Variants in C7 observed in about 807,000 individuals in gnomAD.
C7 encodes the protein complement C7.
Under a neutral mutation model 104.8 loss-of-function variants are expected in C7, and 83 were observed. The ratio of observed to expected loss-of-function variants is 0.79; its 90% CI spans 0.66 to 0.95. The LOEUF (loss-of-function observed/expected upper bound fraction) is 0.95, where lower values mean the gene tolerates loss of function less well. C7 is among the 40% of genes least tolerant of loss of function. C7 has a pLI of 0.00. For synonymous variants in C7, 415 were observed against 360.6 expected (o/e 1.15, Z -1.71); for missense variants, 1,070 against 1,011.2 (o/e 1.06, Z -0.79).
At chr5:40,916,597 C>G (rs1450832295) in intron 1 of C7, among the ~76,000 whole-genome samples, 1 of 152,144 alleles carries the variant, frequency 6.6e-6, no homozygotes, top group Non-Finnish European at 1.5e-5. Context: ...CCATTTAAGT[C>G]TACTGAGTAT....
intron 7 of C7, among the ~76,000 whole-genome samples, chr5:40,946,309 G>A (rs1740048908): frequency 6.6e-6 from 1 of 152,052 alleles, no homozygotes; most frequent in Non-Finnish European, 1.5e-5. Context: ...TACAGTTATG[G>A]CTGAATAATT....
intron 8 of C7, among the ~76,000 whole-genome samples, chr5:40,948,698 CT>C (rs1254724595): frequency 3.9e-5 from 6 of 152,148 alleles, no homozygotes; most frequent in Non-Finnish European, 8.8e-5. Flanking sequence ...CTAGCCTTGG[CT>C]TACTAATGTT....
intron 15 of C7, among the ~76,000 whole-genome samples, chr5:40,975,535 T>C (rs1054473518): frequency 2.0e-5 from 3 of 152,232 alleles, no homozygotes; most frequent in Middle Eastern, 6.8e-3. Context: ...GGCTAATTTT[T>C]GTATTTTTAG....
chr5:40,976,417 T>C (rs772247311), intron 15 of C7, among the ~76,000 whole-genome samples: 4 of 152,204 alleles, frequency 2.6e-5, no homozygotes, highest in Non-Finnish European at 5.9e-5. Context: ...TAGCACCAAC[T>C]TCCTAACTCT....
At chr5:40,937,969 G>A (rs1472546375) in intron 6 of C7, among the ~76,000 whole-genome samples, 1 of 152,124 alleles carries the variant, frequency 6.6e-6, no homozygotes, top group African/African-American at 2.4e-5. Context: ...CTGTGCTGGT[G>A]TAGGCATTAA....
At chr5:40,937,401 T>C (rs1225694051) in intron 5 of C7, 151 bp from the exon 6 acceptor site, 3 of 639,492 alleles carry the variant, frequency 4.7e-6, no homozygotes, top group Non-Finnish European at 7.6e-6. Context: ...GATGCTGTGC[T>C]CTTCATTTGA....
chr5:40,949,139 G>A (rs1740111612), intron 8 of C7, among the ~76,000 whole-genome samples: 1 of 151,824 alleles, frequency 6.6e-6, no homozygotes, highest in Non-Finnish European at 1.5e-5. Context: ...AACATTCCAA[G>A]CTGGTAAAAT....
Position 40,922,571 on chromosome 5 carries a change from C to T in C7, c.7-6009C>T, listed in dbSNP as rs375099676. Among the ~76,000 whole-genome samples, 32 of 150,532 alleles carry T rather than the reference C, an allele frequency of 2.1e-4. 1 individual carries two copies. Among genetic ancestry groups the T allele is most frequent in the African/African-American group, 7.6e-4 (31 of 41,000 alleles). ...AGAAATTTTGCTGGGTGTGGTGGCA[C>T]GTGCCTGTAATTTCAACTACTAAGG... On this transcript the variant is annotated intron_variant, in intron 1 of 17. Transcript: ENST00000313164.
intron 1 of C7, among the ~76,000 whole-genome samples, chr5:40,922,220 C>T (rs184582514): frequency 9.3e-5 from 14 of 150,352 alleles, no homozygotes; most frequent in East Asian, 2.0e-4. Context: ...ACTAAAAATA[C>T]GAAAATTAGC....
At chr5:40,916,146 A>G (rs1380565867) in intron 1 of C7, among the ~76,000 whole-genome samples, 1 of 152,216 alleles carries the variant, frequency 6.6e-6, no homozygotes, top group Non-Finnish European at 1.5e-5. Context: ...ACTACCTATA[A>G]TTTGACAACC....
At chr5:40,957,617 T>G (rs2597736) in intron 10 of C7, among the ~76,000 whole-genome samples, 117,536 of 151,802 alleles carry the variant, frequency 0.77, 47,839 homozygotes, top group Non-Finnish European at 0.9. Context: ...CACCACACCC[T>G]GCTAATTTTG....
Sources: gnomAD v4.1 joint callset for allele counts (sites outside exome capture counted in the v4.1 genomes callset) on GRCh38, gnomAD v4.1.1 for gene constraint, MANE v1.5 for transcripts, NCBI Gene and HGNC (gene_info 2026-07-23, HGNC 2026-07-21) for gene names.